SND1: variants seen among roughly 807,000 people sequenced by gnomAD.
SND1 encodes the protein staphylococcal nuclease domain-containing protein 1.
In SND1, 38 loss-of-function variants were observed where a neutral mutation model predicts 121.7. That is an observed-to-expected ratio of 0.31 (90% CI 0.24 to 0.41). The LOEUF is 0.41. Ranked by LOEUF, SND1 falls within the 10% of genes least tolerant of loss-of-function variation. The probability of loss-of-function intolerance (pLI) is 1.00; values close to 1 mark genes in which losing one functional copy is unlikely to be tolerated. For missense variants in SND1, 868 were observed against 1,184.6 expected, an observed-to-expected ratio of 0.73 and a Z score of 3.92; for synonymous variants, 401 against 447.4, an observed-to-expected ratio of 0.90 and a Z score of 1.31.
intron 10 of SND1, among the ~76,000 whole-genome samples, chr7:127,786,864 G>A (rs1797822793): frequency 6.6e-6 from 1 of 152,118 alleles, no homozygotes; most frequent in Non-Finnish European, 1.5e-5. Flanking sequence ...GGATGGTCTC[G>A]ATCTCCTAAC....
At chr7:127,747,598 A>G (rs895273123) in intron 10 of SND1, among the ~76,000 whole-genome samples, 1 of 152,170 alleles carries the variant, frequency 6.6e-6, no homozygotes, top group Non-Finnish European at 1.5e-5. Flanking sequence ...GTTTTTTTCT[A>G]CTGACAGGAG....
chr7:128,091,711 A>C, intron 22 of SND1, 126 bp from the exon 23 acceptor site: 1 of 937,574 alleles, frequency 1.1e-6, no homozygotes, highest in Non-Finnish European at 1.8e-6. Flanking sequence ...TGAGGGAACT[A>C]AGGCTCCATT....
At chr7:128,032,942 G>T (rs1792674665) in intron 16 of SND1, among the ~76,000 whole-genome samples, 1 of 152,208 alleles carries the variant, frequency 6.6e-6, no homozygotes. Flanking sequence ...ACAGAGGCCG[G>T]CAGGAAGGAT....
intron 8 of SND1, among the ~76,000 whole-genome samples, chr7:127,705,415 T>A (rs1163193096): frequency 1.3e-5 from 2 of 152,236 alleles, no homozygotes; most frequent in Non-Finnish European, 2.9e-5. Context: ...TATTTAAAAG[T>A]GTGTTTCAGT....
chr7:127,703,654 G>A (rs1796142695), intron 7 of SND1, among the ~76,000 whole-genome samples: 1 of 152,190 alleles, frequency 6.6e-6, no homozygotes, highest in Non-Finnish European at 1.5e-5. Flanking sequence ...GGAGGTTGCA[G>A]TGAGCCGAGA....
intron 9 of SND1, among the ~76,000 whole-genome samples, chr7:127,715,520 T>C (rs1796371370): frequency 6.6e-6 from 1 of 152,152 alleles, no homozygotes; most frequent in Non-Finnish European, 1.5e-5. Context: ...TTCCTGTCTT[T>C]AGTCCATGTG....
At chr7:127,935,304 T>G (rs1801038243) in intron 15 of SND1, among the ~76,000 whole-genome samples, 1 of 152,208 alleles carries the variant, frequency 6.6e-6, no homozygotes, top group Admixed American at 6.5e-5. Context: ...TGTGCGCTTT[T>G]AGAACTGTAA....
At chr7:127,788,258 CAT>C (rs1379027648) in intron 10 of SND1, among the ~76,000 whole-genome samples, 5 of 152,086 alleles carry the variant, frequency 3.3e-5, no homozygotes, top group Non-Finnish European at 7.4e-5. Context: ...GAGTGTATAA[CAT>C]GTGTCAGACT....
intron 12 of SND1, among the ~76,000 whole-genome samples, chr7:127,878,222 G>A (rs898102342): frequency 6.6e-6 from 1 of 152,068 alleles, no homozygotes; most frequent in Non-Finnish European, 1.5e-5. Flanking sequence ...CTTGATTTTT[G>A]TATCTCCAGT....
At chr7:128,040,418 C>T (rs575147287) in intron 16 of SND1, among the ~76,000 whole-genome samples, 9 of 95,162 alleles carry the variant, frequency 9.5e-5, no homozygotes, top group African/African-American at 3.7e-4. Context: ...GGTCATCAAA[C>T]AGAGCAAGGT....
chr7:127,801,409 G>T (rs1235131737), intron 10 of SND1, among the ~76,000 whole-genome samples: 1 of 152,078 alleles, frequency 6.6e-6, no homozygotes, highest in Non-Finnish European at 1.5e-5. Flanking sequence ...TCATCTATGG[G>T]TTTATTTCTC....
chr7:127,947,972 C>G (rs1293834206), intron 15 of SND1, among the ~76,000 whole-genome samples: 1 of 152,116 alleles, frequency 6.6e-6, no homozygotes, highest in Non-Finnish European at 1.5e-5. Context: ...TATCCATGAT[C>G]CTATGAAGTC....
At chr7:127,723,011 A>T (rs187253913) in intron 10 of SND1, among the ~76,000 whole-genome samples, 4 of 152,356 alleles carry the variant, frequency 2.6e-5, no homozygotes, top group Admixed American at 2.0e-4. Context: ...TGTGCCGTAC[A>T]GTTGGAATTA....
intron 10 of SND1, among the ~76,000 whole-genome samples, chr7:127,793,434 G>A (rs1797951221): frequency 6.6e-6 from 1 of 152,160 alleles, no homozygotes; most frequent in Admixed American, 6.5e-5. Flanking sequence ...CAAGCAGATA[G>A]CACCACTCAA....
chr7:128,070,047 G>A (rs1584772318), intron 16 of SND1, among the ~76,000 whole-genome samples: 2 of 152,346 alleles, frequency 1.3e-5, no homozygotes, highest in South Asian at 2.1e-4. Context: ...AGAGCAGAGA[G>A]CAAGAGATGC....
At chr7:127,892,537 C>T (rs1584646204) in intron 13 of SND1, among the ~76,000 whole-genome samples, 1 of 152,206 alleles carries the variant, frequency 6.6e-6, no homozygotes, top group East Asian at 1.9e-4. Context: ...TAGAGGAAGT[C>T]ACATCTTTTT....
At chr7:127,789,457 T>A (rs529697920) in intron 10 of SND1, among the ~76,000 whole-genome samples, 1 of 152,358 alleles carries the variant, frequency 6.6e-6, no homozygotes, top group South Asian at 2.1e-4. Context: ...TGAATTTTTT[T>A]ATAGCTAAAA....
At chr7:128,059,442 ACAAAAACCCATTT>A (rs1360157547) in intron 16 of SND1, among the ~76,000 whole-genome samples, 6 of 152,254 alleles carry the variant, frequency 3.9e-5, no homozygotes, top group Non-Finnish European at 8.8e-5. Flanking sequence ...TTAGAAGATA[ACAAAAACCCATTT>A]CTTGGTCAGT....
At chr7:127,897,091 T>A (rs1216747359) in intron 13 of SND1, among the ~76,000 whole-genome samples, 1 of 152,142 alleles carries the variant, frequency 6.6e-6, no homozygotes, top group East Asian at 1.9e-4. Flanking sequence ...TCTAAATTTC[T>A]TGTAAACTTC....
Sources: allele counts gnomAD v4.1 joint callset (sites outside exome capture counted in the v4.1 genomes callset), GRCh38; gene constraint gnomAD v4.1.1; transcripts MANE v1.5; gene names NCBI Gene and HGNC (gene_info 2026-07-23, HGNC 2026-07-21).